The following PTPRD variants were observed in gnomAD, a reference collection of about 807,000 sequenced individuals.
The protein encoded by PTPRD is protein tyrosine phosphatase receptor type D, also known as receptor-type tyrosine-protein phosphatase delta.
Under a neutral mutation model 214.5 loss-of-function variants are expected in PTPRD, and 34 were observed. The ratio of observed to expected loss-of-function variants is 0.16; its 90% CI spans 0.12 to 0.21. PTPRD has a LOEUF of 0.21. PTPRD is among the 10% of genes least tolerant of loss of function. PTPRD has a pLI of 1.00. For missense variants in PTPRD, 2,545 were observed against 2,398.7 expected (o/e 1.06, Z -1.27); for synonymous variants, 1,128 against 845.7 (o/e 1.33, Z -5.79).
At chr9:9,683,711 T>G (rs1331168340) in intron 7 of PTPRD, among the ~76,000 whole-genome samples, 1 of 151,592 alleles carries the variant, frequency 6.6e-6, no homozygotes, top group Non-Finnish European at 1.5e-5. Context: ...CAATGAAAAC[T>G]GAAAAAGCAC....
At chr9:10,162,631 G>A (rs560955143) in intron 3 of PTPRD, among the ~76,000 whole-genome samples, 180 of 147,378 alleles carry the variant, frequency 1.2e-3, no homozygotes, top group Non-Finnish European at 2.2e-3. Context: ...ATATATACAT[G>A]TATATAAACA....
At chr9:8,388,266 T>C (rs2087960299) in intron 37 of PTPRD, among the ~76,000 whole-genome samples, 1 of 152,196 alleles carries the variant, frequency 6.6e-6, no homozygotes, top group African/African-American at 2.4e-5. Flanking sequence ...GAAGAACATT[T>C]ACAGAACCTC....
chr9:9,470,787 G>A (rs1281258260), intron 8 of PTPRD, among the ~76,000 whole-genome samples: 2 of 152,070 alleles, frequency 1.3e-5, no homozygotes, highest in Admixed American at 6.6e-5. Context: ...TTGTCTGGAG[G>A]GACACGAATC....
intron 11 of PTPRD, among the ~76,000 whole-genome samples, chr9:8,808,465 T>A (rs886242047): frequency 6.7e-5 from 7 of 104,878 alleles, no homozygotes; most frequent in African/African-American, 2.5e-4. Context: ...CCCCCACCTT[T>A]TTTTTTTTTT....
At chr9:9,071,367 G>C (rs1030772423) in intron 10 of PTPRD, among the ~76,000 whole-genome samples, 1 of 152,162 alleles carries the variant, frequency 6.6e-6, no homozygotes, top group African/African-American at 2.4e-5. Context: ...AGTTAGTCAA[G>C]AGGGAAATTA....
chr9:8,772,285 A>T (rs1193301424), intron 11 of PTPRD, among the ~76,000 whole-genome samples: 1 of 151,950 alleles, frequency 6.6e-6, no homozygotes, highest in Non-Finnish European at 1.5e-5. Context: ...ATCTTCTCTA[A>T]TTTTCACCTC....
chr9:9,734,043 G>A (rs556861963), intron 7 of PTPRD, among the ~76,000 whole-genome samples: 10 of 152,084 alleles, frequency 6.6e-5, no homozygotes, highest in Non-Finnish European at 1.3e-4. Context: ...GTTTCCATGT[G>A]GAAAAGATCA....
At chr9:10,564,372 A>G (rs1489271868) in intron 2 of PTPRD, among the ~76,000 whole-genome samples, 2 of 149,830 alleles carry the variant, frequency 1.3e-5, no homozygotes, top group Admixed American at 1.3e-4. Context: ...ATTTTCCCTG[A>G]TTTCTTCGTA....
In PTPRD at chr9:9,337,829, A is replaced by G. The variant is rs369246696; in HGVS notation, c.-203+59620T>C. Among the ~76,000 whole-genome samples, 4 of 152,190 alleles carry G rather than the reference A, an allele frequency of 2.6e-5. No individual in the cohort carries two copies. In the East Asian group the frequency reaches 5.8e-4, roughly 22 times the overall value. On this transcript the variant is annotated intron_variant, in intron 9 of 45. Coordinates refer to ENST00000381196, the MANE Select transcript of PTPRD (RefSeq NM_002839.4). ...TAACTACATTATAAGTTTCTCTATCATAGGTACAAATTACCTCACACTTTG... is the reference window on the plus strand; with the variant it reads ...TAACTACATTATAAGTTTCTCTATCGTAGGTACAAATTACCTCACACTTTG...
chr9:9,461,321 G>A (rs1404776878), intron 8 of PTPRD, among the ~76,000 whole-genome samples: 2 of 151,804 alleles, frequency 1.3e-5, no homozygotes, highest in Admixed American at 1.3e-4. Context: ...TTCCTGAATC[G>A]GAATTTTAAA....
intron 12 of PTPRD, among the ~76,000 whole-genome samples, chr9:8,653,522 C>T (rs959912031): frequency 6.6e-6 from 1 of 152,170 alleles, no homozygotes; most frequent in African/African-American, 2.4e-5. Flanking sequence ...CCACACAGTT[C>T]CTTTCCCTTA....
At position 9,926,514 on chromosome 9, in the gene PTPRD, CAG is replaced by C. The variant is rs2084369568; in HGVS notation, c.-368+11991_-368+11992del. Among the ~76,000 whole-genome samples the C allele has an allele frequency of 2.0e-5, 3 of 151,504 alleles. No homozygotes were observed. In the South Asian group the frequency reaches 6.2e-4, roughly 32 times the overall value. ...GTAAATACATGATGAATGCATACAACAGAGAAAAAGAGCAGAAAAGAGAAAGA... is the reference window on the plus strand; with the variant it reads ...GTAAATACATGATGAATGCATACAACAGAAAAAGAGCAGAAAAGAGAAAGA... On this transcript the variant is annotated intron_variant, in intron 5 of 45. Transcript: ENST00000381196.
At chr9:8,700,193 T>C (rs4442186) in intron 12 of PTPRD, among the ~76,000 whole-genome samples, 43,223 of 152,086 alleles carry the variant, frequency 0.28, 6,646 homozygotes, top group African/African-American at 0.4. Context: ...ATGGAAACTA[T>C]ATAATTTGAT....
At chr9:8,863,286 C>A (rs749785949) in intron 11 of PTPRD, among the ~76,000 whole-genome samples, 1 of 152,174 alleles carries the variant, frequency 6.6e-6, no homozygotes, top group South Asian at 2.1e-4. Context: ...CAGCATGCGA[C>A]TGTGACAAAT....
rs572863787 is a variant in PTPRD, at chr9:8,860,649, G to A, written c.-103-126703C>T. 5.9e-5 allele frequency: 9 copies of A among 152,336 alleles called. No homozygotes were observed. The East Asian group carries it at 1.7e-3, about 29-fold the overall frequency. The allele number at this position is 152,336 out of a possible 1,614,324, so 9.4% of individuals were successfully genotyped here. A position where few individuals can be genotyped will look rare whatever the true frequency, so the allele number is the denominator to read the frequency against. ...CACTCATGTTAATATATTCAGAGCA[G>A]ATTGGCAACAAAAGAGTGTCCTAAT... On this transcript the variant is annotated intron_variant, in intron 11 of 45. Transcript: ENST00000381196.
intron 18 of PTPRD, among the ~76,000 whole-genome samples, chr9:8,524,420 C>G (rs2097959808): frequency 1.3e-5 from 2 of 152,142 alleles, no homozygotes; most frequent in Non-Finnish European, 2.9e-5. Flanking sequence ...AGAAATGCAA[C>G]TGTGCTATTT....
chr9:9,722,462 T>A lies in PTPRD; in HGVS notation c.-287+12071A>T, dbSNP rs924972261. ...ATCTATACCATATTTAAAAAATTTATTCATCAATTGATGGACATTGTGATT... is the reference window on the plus strand; with the variant it reads ...ATCTATACCATATTTAAAAAATTTAATCATCAATTGATGGACATTGTGATT... On this transcript the variant is annotated intron_variant, in intron 7 of 45. Coordinates refer to ENST00000381196, the MANE Select transcript of PTPRD (RefSeq NM_002839.4). 2.6e-5 allele frequency among the ~76,000 whole-genome samples: 4 copies of A among 152,128 alleles called. No homozygotes were observed. The East Asian group carries it at 7.7e-4, about 29-fold the overall frequency.
rs2096584694 is a variant in PTPRD, at chr9:9,659,603, C to T, written c.-287+74930G>A. Among the ~76,000 whole-genome samples, 4 of 151,754 alleles carry T rather than the reference C, an allele frequency of 2.6e-5. No homozygotes were observed. In the South Asian group the frequency reaches 6.2e-4, roughly 24 times the overall value. On this transcript the variant is annotated intron_variant, in intron 7 of 45. Transcript: ENST00000381196. ...ACCATTTGGAATAGTTAATGATATA[C>T]AAAATACCCTGAAAAAAAGCTTTTC...
chr9:10,339,443 C>A (rs1270937880), intron 3 of PTPRD, among the ~76,000 whole-genome samples: 1 of 151,646 alleles, frequency 6.6e-6, no homozygotes, highest in Non-Finnish European at 1.5e-5. Context: ...AAACAGGAAT[C>A]TTCAAAGCAC....
Sources: gnomAD v4.1 joint callset for allele counts (sites outside exome capture counted in the v4.1 genomes callset) on GRCh38, gnomAD v4.1.1 for gene constraint, MANE v1.5 for transcripts, NCBI Gene and HGNC (gene_info 2026-07-23, HGNC 2026-07-21) for gene names.